NDUFA10: variants seen among roughly 807,000 people sequenced by gnomAD.
The protein encoded by NDUFA10 is NADH dehydrogenase [ubiquinone] 1 alpha subcomplex subunit 10, mitochondrial.
A neutral mutation model predicts 47.8 loss-of-function variants in NDUFA10; 40 were observed. That is an observed-to-expected ratio of 0.84 (90% CI 0.65 to 1.09). The LOEUF (loss-of-function observed/expected upper bound fraction) is 1.09, where lower values mean the gene tolerates loss of function less well. Among genes scored for constraint, NDUFA10 ranks in the 50% least tolerant of loss-of-function variants. The pLI, the probability that NDUFA10 is intolerant of heterozygous loss-of-function variation, is 0.00. For synonymous variants in NDUFA10, 183 were observed against 172.2 expected (o/e 1.06, Z -0.49); for missense variants, 413 against 451.1 (o/e 0.92, Z 0.76).
intron 4 of NDUFA10, among the ~76,000 whole-genome samples, chr2:239,918,426 C>T (rs10181293): frequency 0.14 from 20,211 of 145,934 alleles, 1,389 homozygotes; most frequent in South Asian, 0.17. Flanking sequence ...AGGCCTGACA[C>T]TCAGTACCAG....
chr2:239,951,509 G>C (rs1404203032), intron 4 of NDUFA10, among the ~76,000 whole-genome samples: 1 of 152,130 alleles, frequency 6.6e-6, no homozygotes, highest in African/African-American at 2.4e-5. Flanking sequence ...GTGTCCCAGG[G>C]ATGCCTGGTC....
intron 4 of NDUFA10, among the ~76,000 whole-genome samples, chr2:239,934,763 G>A (rs1175226097): frequency 6.6e-6 from 1 of 152,148 alleles, no homozygotes; most frequent in African/African-American, 2.4e-5. Context: ...TGTGACCTCC[G>A]TGCAGCATCA....
chr2:239,995,851 A>AT (rs1470224207), intron 8 of NDUFA10, among the ~76,000 whole-genome samples: 9 of 152,264 alleles, frequency 5.9e-5, no homozygotes, highest in Non-Finnish European at 1.5e-5. Flanking sequence ...GGGGCATTAC[A>AT]TAACGATAAA....
In NDUFA10 at chr2:239,928,547, C is replaced by T. The variant is rs1214787186; in HGVS notation, c.295-33233G>A. On this transcript the variant is annotated intron_variant, in intron 4 of 5. Coordinates refer to the NDUFA10 transcript ENST00000419408. The surrounding 1 kb of genome is among the most constrained non-coding windows in gnomAD (Gnocchi z 4.3). ...GCCGCTGCTGGGTTTAATGCAGTTC[C>T]TGTCTCCCACCCTGGAGCTGTGACA... Among the ~76,000 whole-genome samples, 1 of 152,176 alleles carries T rather than the reference C, an allele frequency of 6.6e-6. No individual in the cohort carries two copies. Among genetic ancestry groups the T allele is most frequent in the East Asian group, 1.9e-4 (1 of 5,182 alleles).
At chr2:240,017,103 CCCTT>C (rs1264560547) in intron 4 of NDUFA10, among the ~76,000 whole-genome samples, 2 of 152,190 alleles carry the variant, frequency 1.3e-5, no homozygotes, top group African/African-American at 4.8e-5. Context: ...AGGCTCCTTC[CCCTT>C]CCGTCTCTCC....
At chr2:239,915,745 A>C (rs986446724) in intron 4 of NDUFA10, among the ~76,000 whole-genome samples, 1 of 152,082 alleles carries the variant, frequency 6.6e-6, no homozygotes, top group Admixed American at 6.6e-5. Context: ...AGAGATACAC[A>C]TACACACACA....
intron 9 of NDUFA10, among the ~76,000 whole-genome samples, chr2:239,976,166 G>A (rs4149553): frequency 0.8 from 121,030 of 151,666 alleles, 48,529 homozygotes; most frequent in Non-Finnish European, 0.84. Context: ...GCAATTCCAG[G>A]CTTGGTTACA....
chr2:239,973,994 C>G (rs1279887062), intron 9 of NDUFA10, among the ~76,000 whole-genome samples: 1 of 152,140 alleles, frequency 6.6e-6, no homozygotes, highest in African/African-American at 2.4e-5. Flanking sequence ...AGTGGCAATT[C>G]TGGCCCACTG....
At chr2:239,995,049 CAGATCACTTGAG>C (rs1256287762) in intron 8 of NDUFA10, among the ~76,000 whole-genome samples, 1 of 152,148 alleles carries the variant, frequency 6.6e-6, no homozygotes, top group East Asian at 1.9e-4. Context: ...CCAGGGCAGG[CAGATCACTTGAG>C]ATTAGGAGTT....
intron 4 of NDUFA10, 197 bp downstream of exon 4, chr2:240,018,356 A>T: frequency 6.7e-7 from 1 of 1,488,892 alleles, no homozygotes; most frequent in Non-Finnish European, 9.0e-7. Context: ...GACAGCACAA[A>T]AGACACCTAT....
chr2:240,009,507 A>C lies in NDUFA10; in HGVS notation c.749+2110T>G, dbSNP rs746835978. On this transcript the variant is annotated intron_variant, in intron 6 of 9. Transcript: ENST00000252711. ...ACAAAGCCAGAAAATACACATTCCT[A>C]TGAGAGTTAGCTCATTGTACCTCTT... 1.6e-4 allele frequency among the ~76,000 whole-genome samples: 25 copies of C among 152,366 alleles called. 1 individual carries two copies. The Middle Eastern group carries it at 0.014, about 83-fold the overall frequency.
intron 4 of NDUFA10, among the ~76,000 whole-genome samples, chr2:239,935,775 A>T (rs1416116466): frequency 3.3e-5 from 5 of 152,272 alleles, no homozygotes; most frequent in Admixed American, 2.6e-4. Flanking sequence ...CTTGGCTCCC[A>T]TTCTCTTTTG....
chr2:239,935,003 C>T (rs1028896246), intron 4 of NDUFA10, among the ~76,000 whole-genome samples: 13 of 152,224 alleles, frequency 8.5e-5, no homozygotes, highest in African/African-American at 3.1e-4. Flanking sequence ...TCAGAACCAC[C>T]TCTGGCGCCC....
At chr2:239,916,668 C>G (rs1466078810) in intron 4 of NDUFA10, among the ~76,000 whole-genome samples, 1 of 152,266 alleles carries the variant, frequency 6.6e-6, no homozygotes, top group Non-Finnish European at 1.5e-5. Flanking sequence ...CAGGCACCAG[C>G]AGGTTTGGTG....
chr2:239,982,790 A>G (rs980521203), intron 9 of NDUFA10, among the ~76,000 whole-genome samples: 1 of 152,232 alleles, frequency 6.6e-6, no homozygotes, highest in African/African-American at 2.4e-5. Context: ...AAGAAGGAAA[A>G]GAGTTGGAGA....
chr2:240,001,676 T>C (rs1000953288), intron 8 of NDUFA10, among the ~76,000 whole-genome samples: 1 of 152,246 alleles, frequency 6.6e-6, no homozygotes, highest in South Asian at 2.1e-4. Context: ...TTGGTCTCCA[T>C]CACCTACGCA....
intron 4 of NDUFA10, among the ~76,000 whole-genome samples, chr2:239,924,528 C>A (rs756905177): frequency 6.6e-6 from 1 of 151,912 alleles, no homozygotes; most frequent in Non-Finnish European, 1.5e-5. Flanking sequence ...AAAAACCTCT[C>A]GGCAAACAGG....
downstream of NDUFA10, among the ~76,000 whole-genome samples, chr2:239,955,466 G>A (rs1694635247): frequency 1.3e-5 from 2 of 152,202 alleles, no homozygotes; most frequent in South Asian, 4.1e-4. Context: ...TGGTCCACAA[G>A]GGACTTTCAG....
chr2:239,950,832 CTG>C (rs1247932031), intron 4 of NDUFA10, among the ~76,000 whole-genome samples: 11 of 152,224 alleles, frequency 7.2e-5, no homozygotes, highest in African/African-American at 2.7e-4. Context: ...CAGCTCCATT[CTG>C]TGATTCAAGT....
Sources: gnomAD v4.1 joint callset for allele counts (sites outside exome capture counted in the v4.1 genomes callset) on GRCh38, gnomAD v4.1.1 for gene constraint, Gnocchi (gnomAD v3.1) non-coding constraint, MANE v1.5 for transcripts, NCBI Gene and HGNC (gene_info 2026-07-23, HGNC 2026-07-21) for gene names.